RDX: variants seen among roughly 807,000 people sequenced by gnomAD.
The protein encoded by RDX is radixin, also known as deafness, autosomal recessive 24.
Under a neutral mutation model 83.7 loss-of-function variants are expected in RDX, and 32 were observed. That is an observed-to-expected ratio of 0.38 (90% CI 0.29 to 0.51). RDX has a LOEUF of 0.51. Among genes scored for constraint, RDX ranks in the 20% least tolerant of loss-of-function variants. The probability of loss-of-function intolerance (pLI) is 0.87; values close to 1 mark genes in which losing one functional copy is unlikely to be tolerated. For missense variants in RDX, 600 were observed against 689.9 expected, an observed-to-expected ratio of 0.87 and a Z score of 1.46; for synonymous variants, 229 against 222.7, an observed-to-expected ratio of 1.03 and a Z score of -0.25.
chr11:110,226,780 T>C (rs1181908961), downstream of RDX, among the ~76,000 whole-genome samples: 2 of 152,170 alleles, frequency 1.3e-5, no homozygotes, highest in African/African-American at 4.8e-5. Context: ...AGAAAAACTT[T>C]TCAAATTAGA....
intron 10 of RDX, among the ~76,000 whole-genome samples, chr11:110,242,454 A>C (rs1304123594): frequency 6.6e-6 from 1 of 151,622 alleles, no homozygotes; most frequent in Non-Finnish European, 1.5e-5. Flanking sequence ...AAAAAAAAAA[A>C]AATTAAAAAA....
chr11:110,279,924 T>G (rs1465960996), intron 1 of RDX, among the ~76,000 whole-genome samples, 168 bp from the exon 2 acceptor site: 2 of 152,250 alleles, frequency 1.3e-5, no homozygotes, highest in Non-Finnish European at 2.9e-5. Context: ...GCACATTCCC[T>G]AAGAAGACTG....
chr11:110,181,441 C>T (rs1262352919), intron 15 of RDX, among the ~76,000 whole-genome samples: 1 of 152,332 alleles, frequency 6.6e-6, no homozygotes, highest in East Asian at 1.9e-4. Flanking sequence ...GGATTGCAGG[C>T]GTGAGCCACC....
At chr11:110,268,351 A>G (rs1428843522) in intron 3 of RDX, among the ~76,000 whole-genome samples, 1 of 152,072 alleles carries the variant, frequency 6.6e-6, no homozygotes, top group Non-Finnish European at 1.5e-5. Context: ...AAATTTCTAG[A>G]AGATGTGGAA....
At chr11:110,233,562 G>C in intron 12 of RDX, 83 bp from the exon 13 acceptor site, 1 of 1,424,726 alleles carries the variant, frequency 7.0e-7, no homozygotes, top group Non-Finnish European at 9.7e-7. Context: ...CTTTTTAATA[G>C]AAACTGTATT....
intron 7 of RDX, among the ~76,000 whole-genome samples, chr11:110,257,181 T>A (rs570227474): frequency 6.6e-6 from 1 of 151,346 alleles, no homozygotes; most frequent in African/African-American, 2.4e-5. Context: ...ATTATACATA[T>A]AATAAAATAT....
chr11:110,254,264 C>T (rs780533148), intron 8 of RDX, among the ~76,000 whole-genome samples, 155 bp from the exon 9 acceptor site: 3 of 152,176 alleles, frequency 2.0e-5, no homozygotes, highest in Non-Finnish European at 4.4e-5. Flanking sequence ...TCCCAGTGAG[C>T]ATGACATACT....
intron 3 of RDX, among the ~76,000 whole-genome samples, chr11:110,270,452 G>C (rs1386482383): frequency 2.0e-5 from 3 of 152,046 alleles, no homozygotes; most frequent in Non-Finnish European, 4.4e-5. Flanking sequence ...GCCCGTCACT[G>C]ATCGAAATGT....
chr11:110,237,290 CT>C (rs1236331976), intron 11 of RDX, among the ~76,000 whole-genome samples: 26 of 151,890 alleles, frequency 1.7e-4, no homozygotes, highest in African/African-American at 5.1e-4. Context: ...AGAAAAATGC[CT>C]TATTCTTTTG....
At chr11:110,266,609 C>G (rs1456802544) in intron 3 of RDX, among the ~76,000 whole-genome samples, 1 of 151,618 alleles carries the variant, frequency 6.6e-6, no homozygotes, top group Admixed American at 6.6e-5. Flanking sequence ...ACTCTGTACC[C>G]ACAATGGAGT....
chr11:110,186,686 G>A (rs563792885), intron 15 of RDX, among the ~76,000 whole-genome samples: 10 of 152,042 alleles, frequency 6.6e-5, no homozygotes, highest in African/African-American at 1.7e-4. Flanking sequence ...CCATCTTTCC[G>A]CAGGGGTTCC....
chr11:110,258,790 C>T (rs937851135), intron 5 of RDX, among the ~76,000 whole-genome samples: 1 of 151,680 alleles, frequency 6.6e-6, no homozygotes, highest in Non-Finnish European at 1.5e-5. Context: ...AAAAGTCATA[C>T]TCCAGTCCAA....
chr11:110,192,318 A>T (rs1863117569), intron 15 of RDX, among the ~76,000 whole-genome samples: 1 of 152,240 alleles, frequency 6.6e-6, no homozygotes. Flanking sequence ...TGGTGTTGGG[A>T]TAACTGGCTA....
downstream of RDX, among the ~76,000 whole-genome samples, chr11:110,228,520 A>G (rs972910905): frequency 2.0e-5 from 3 of 152,090 alleles, no homozygotes; most frequent in Middle Eastern, 3.2e-3. Context: ...TCATTAGTTC[A>G]GTATGTTAAT....
chr11:110,192,072 TA>T (rs1863113340), intron 15 of RDX, among the ~76,000 whole-genome samples: 2 of 152,120 alleles, frequency 1.3e-5, no homozygotes, highest in African/African-American at 4.8e-5. Flanking sequence ...AGAGCCCAAA[TA>T]GCCAGAGCAA....
At chr11:110,233,719 C>T (rs1309121086) in intron 12 of RDX, among the ~76,000 whole-genome samples, 1 of 152,038 alleles carries the variant, frequency 6.6e-6, no homozygotes, top group African/African-American at 2.4e-5. Flanking sequence ...AAAAGAAAAA[C>T]AAGCATACAT....
chr11:110,260,660 G>T (rs1257583886), intron 5 of RDX, among the ~76,000 whole-genome samples: 1 of 152,114 alleles, frequency 6.6e-6, no homozygotes, highest in African/African-American at 2.4e-5. Flanking sequence ...CAGTACAGTT[G>T]TCCCTCCATA....
intron 5 of RDX, among the ~76,000 whole-genome samples, chr11:110,260,165 T>C (rs1859743825): frequency 1.3e-5 from 2 of 151,940 alleles, no homozygotes; most frequent in Non-Finnish European, 2.9e-5. Flanking sequence ...TTTGTATTTT[T>C]AGTAGAGACG....
rs540638886 is a variant in RDX at position 110,240,302 on chromosome 11, T to G, written c.1091-2650A>C. Among the ~76,000 whole-genome samples, 123 of 149,464 alleles carry G rather than the reference T, an allele frequency of 8.2e-4. No homozygotes were observed. In the Middle Eastern group the frequency reaches 0.017, roughly 21 times the overall value. ...AAACCAAGCACAGAAAGACAACTAT[T>G]GCATGTTTTCACTCATATGTCAGAG... On this transcript the variant is annotated intron_variant, in intron 10 of 13. Transcript: ENST00000645495.
Sources: allele counts gnomAD v4.1 joint callset (sites outside exome capture counted in the v4.1 genomes callset), GRCh38; gene constraint gnomAD v4.1.1; transcripts MANE v1.5; gene names NCBI Gene and HGNC (gene_info 2026-07-23, HGNC 2026-07-21).